Variants in CSMD1 observed in about 807,000 individuals in gnomAD.
The protein encoded by CSMD1 is CUB and Sushi multiple domains 1.
A neutral mutation model predicts 417.5 loss-of-function variants in CSMD1; 213 were observed. The observed-to-expected ratio is 0.51, with a 90% CI of 0.46 to 0.57. The LOEUF (loss-of-function observed/expected upper bound fraction) is 0.57. Ranked by LOEUF, CSMD1 falls within the 20% of genes least tolerant of loss-of-function variation. CSMD1 has a pLI of 0.00. For missense variants in CSMD1, 6,923 were observed against 4,529.7 expected (o/e 1.53, Z -15.17); for synonymous variants, 2,862 against 1,736.8 (o/e 1.65, Z -16.11).
chr8:3,984,539 C>T (rs988317449), intron 5 of CSMD1, among the ~76,000 whole-genome samples: 1 of 151,188 alleles, frequency 6.6e-6, no homozygotes, highest in Non-Finnish European at 1.5e-5. Context: ...TTTGATTTTT[C>T]GTCTAGGTAT....
chr8:3,072,931 T>C (rs2128999289), intron 49 of CSMD1, among the ~76,000 whole-genome samples: 1 of 152,270 alleles, frequency 6.6e-6, no homozygotes, highest in African/African-American at 2.4e-5. Flanking sequence ...TCAGATAATA[T>C]TAAGAATAGA....
rs550924000 is a variant in CSMD1 at position 4,711,984 on chromosome 8, G to A, written c.86-74426C>T. ...GGTACAGTTTTAAACTCAAGTCAGT[G>A]ATTTGAAATATGTGGCTTCCTAAGA... On this transcript the variant is annotated intron_variant, in intron 1 of 69. Coordinates refer to ENST00000635120, the MANE Select transcript of CSMD1 (RefSeq NM_033225.6). Among the ~76,000 whole-genome samples the A allele has an allele frequency of 3.9e-5, 6 of 152,320 alleles. No individual in the cohort carries two copies. In the South Asian group the frequency reaches 1.2e-3, roughly 32 times the overall value.
At chr8:4,940,736 G>A (rs746256016) in intron 1 of CSMD1, among the ~76,000 whole-genome samples, 13 of 152,206 alleles carry the variant, frequency 8.5e-5, no homozygotes, top group Non-Finnish European at 5.9e-5. Context: ...AAATCTCCAG[G>A]GTAGCAGCAC....
At chr8:4,978,592 A>G (rs1045183562) in intron 1 of CSMD1, among the ~76,000 whole-genome samples, 2 of 152,244 alleles carry the variant, frequency 1.3e-5, no homozygotes, top group Admixed American at 6.5e-5. Flanking sequence ...CACACCATTT[A>G]AAACACTCAA....
At chr8:3,206,498 G>T (rs563258404) in intron 30 of CSMD1, among the ~76,000 whole-genome samples, 3 of 138,554 alleles carry the variant, frequency 2.2e-5, no homozygotes, top group Admixed American at 7.4e-5. Flanking sequence ...GTGTGTGGGT[G>T]TATGTGTGTG....
intron 2 of CSMD1, among the ~76,000 whole-genome samples, chr8:4,464,532 T>C (rs990028475): frequency 2.0e-5 from 3 of 152,274 alleles, no homozygotes; most frequent in South Asian, 4.1e-4. Flanking sequence ...TTATTCAATA[T>C]TGAACTAAAA....
intron 10 of CSMD1, among the ~76,000 whole-genome samples, chr8:3,516,577 G>A (rs1288893438): frequency 6.6e-6 from 1 of 152,064 alleles, no homozygotes; most frequent in Non-Finnish European, 1.5e-5. Flanking sequence ...TCTTTCAGTG[G>A]CCACAGAAAT....
intron 5 of CSMD1, among the ~76,000 whole-genome samples, chr8:3,757,956 G>T (rs563852373): frequency 3.9e-5 from 6 of 152,008 alleles, no homozygotes; most frequent in Admixed American, 1.3e-4. Context: ...AAAAAAATGC[G>T]TAAGTCCTGC....
At chr8:4,346,515 T>A (rs937938676) in intron 3 of CSMD1, among the ~76,000 whole-genome samples, 1 of 152,258 alleles carries the variant, frequency 6.6e-6, no homozygotes, top group African/African-American at 2.4e-5. Context: ...TTGTCTAAAC[T>A]GAATTAAAAT....
intron 3 of CSMD1, among the ~76,000 whole-genome samples, chr8:4,302,897 T>C (rs1210162502): frequency 1.3e-5 from 2 of 152,050 alleles, no homozygotes. Flanking sequence ...TGCTGATTCA[T>C]ATTAACTCAA....
intron 2 of CSMD1, among the ~76,000 whole-genome samples, chr8:4,487,760 T>C (rs1457937018): frequency 6.6e-6 from 1 of 152,206 alleles, no homozygotes; most frequent in Non-Finnish European, 1.5e-5. Flanking sequence ...ACTGCCTTAA[T>C]CGTCTAAAGA....
At chr8:3,421,346 G>C (rs573917285) in intron 12 of CSMD1, among the ~76,000 whole-genome samples, 2 of 152,154 alleles carry the variant, frequency 1.3e-5, no homozygotes, top group Non-Finnish European at 2.9e-5. Flanking sequence ...ACATTCCTGA[G>C]GGAGCCACAC....
intron 1 of CSMD1, among the ~76,000 whole-genome samples, chr8:4,709,713 G>A (rs1185012194): frequency 1.3e-5 from 2 of 152,192 alleles, no homozygotes; most frequent in African/African-American, 2.4e-5. Flanking sequence ...GGCACCTGTG[G>A]GAAGCATAGC....
At chr8:3,986,703 G>A (rs150858920) in intron 5 of CSMD1, among the ~76,000 whole-genome samples, 1 of 152,028 alleles carries the variant, frequency 6.6e-6, no homozygotes, top group Non-Finnish European at 1.5e-5. Flanking sequence ...TTTTACCATG[G>A]AAAATTTATC....
intron 4 of CSMD1, among the ~76,000 whole-genome samples, chr8:4,015,634 A>G (rs1056284010): frequency 6.7e-6 from 1 of 149,934 alleles, no homozygotes; most frequent in Admixed American, 6.7e-5. Context: ...CAACAGTCTC[A>G]AAATAGATAA....
At chr8:3,121,960 T>G (rs1039418601) in intron 41 of CSMD1, among the ~76,000 whole-genome samples, 2 of 152,148 alleles carry the variant, frequency 1.3e-5, no homozygotes, top group Non-Finnish European at 2.9e-5. Context: ...ACCTAAATAT[T>G]ATAGAGAATT....
At chr8:3,260,412 G>A (rs1202844428) in intron 26 of CSMD1, among the ~76,000 whole-genome samples, 6 of 151,642 alleles carry the variant, frequency 4.0e-5, no homozygotes, top group Non-Finnish European at 5.9e-5. Context: ...CACATAGAAG[G>A]AGTATATCCT....
At chr8:3,093,904 G>C (rs1185312170) in intron 47 of CSMD1, among the ~76,000 whole-genome samples, 1 of 152,170 alleles carries the variant, frequency 6.6e-6, no homozygotes, top group Non-Finnish European at 1.5e-5. Context: ...CCCTGCAAAA[G>C]AGTGGCTGGT....
intron 5 of CSMD1, among the ~76,000 whole-genome samples, chr8:3,977,739 C>A (rs1267821901): frequency 6.6e-6 from 1 of 152,212 alleles, no homozygotes; most frequent in Non-Finnish European, 1.5e-5. Flanking sequence ...TAATTTTGGT[C>A]TTCACAATTT....
Sources: gnomAD v4.1 joint callset for allele counts (sites outside exome capture counted in the v4.1 genomes callset) on GRCh38, gnomAD v4.1.1 for gene constraint, MANE v1.5 for transcripts, NCBI Gene and HGNC (gene_info 2026-07-23, HGNC 2026-07-21) for gene names.